ABTB2: variants seen among roughly 807,000 people sequenced by gnomAD.
ABTB2 encodes the protein ankyrin repeat and BTB domain containing 2.
Under a neutral mutation model 104.1 loss-of-function variants are expected in ABTB2, and 56 were observed. That is an observed-to-expected ratio of 0.54 (90% CI 0.43 to 0.67). The LOEUF is 0.67. Among genes scored for constraint, ABTB2 ranks in the 30% least tolerant of loss-of-function variants. ABTB2 has a pLI of 0.00. For synonymous variants in ABTB2, 606 were observed against 608.2 expected, an observed-to-expected ratio of 1.00 and a Z score of 0.05; for missense variants, 1,279 against 1,407.7, an observed-to-expected ratio of 0.91 and a Z score of 1.46.
intron 1 of ABTB2, among the ~76,000 whole-genome samples, chr11:34,307,325 A>C (rs1475958473): frequency 6.6e-6 from 1 of 152,240 alleles, no homozygotes; most frequent in African/African-American, 2.4e-5. Context: ...ATCAGAACTG[A>C]GAAGTGACCA....
intron 3 of ABTB2, among the ~76,000 whole-genome samples, chr11:34,178,014 C>T (rs541349059): frequency 1.5e-4 from 23 of 152,216 alleles, no homozygotes; most frequent in African/African-American, 3.1e-4. Context: ...CCCTGCTCCA[C>T]GAGCTCCTCC....
At chr11:34,216,013 A>G (rs1565143424) in intron 1 of ABTB2, among the ~76,000 whole-genome samples, 1 of 152,230 alleles carries the variant, frequency 6.6e-6, no homozygotes, top group Non-Finnish European at 1.5e-5. Context: ...TCACTCATTT[A>G]TTCAACAACT....
intron 1 of ABTB2, among the ~76,000 whole-genome samples, chr11:34,329,178 A>C (rs1262324991): frequency 6.6e-6 from 1 of 152,238 alleles, no homozygotes; most frequent in Non-Finnish European, 1.5e-5. Flanking sequence ...CATTAGAACA[A>C]ATAAACACTG....
chr11:34,289,363 C>T (rs759479620), intron 1 of ABTB2, among the ~76,000 whole-genome samples: 5 of 152,226 alleles, frequency 3.3e-5, no homozygotes, highest in Non-Finnish European at 7.3e-5. Flanking sequence ...TAAGTCCCAA[C>T]AGCCATGGTT....
chr11:34,325,923 C>G (rs1025529178), intron 1 of ABTB2, among the ~76,000 whole-genome samples: 6 of 141,260 alleles, frequency 4.2e-5, no homozygotes, highest in African/African-American at 1.6e-4. Context: ...TGCACTCCAG[C>G]CTGGGCGACA....
At chr11:34,335,819 C>T (rs1158945282) in intron 1 of ABTB2, 9 of 1,337,228 alleles carry the variant, frequency 6.7e-6, no homozygotes, top group South Asian at 1.2e-5. Flanking sequence ...CCAAACGGTC[C>T]CATAGTTTCA....
At chr11:34,334,868 G>T (rs1217907679) in intron 1 of ABTB2, among the ~76,000 whole-genome samples, 1 of 151,382 alleles carries the variant, frequency 6.6e-6, no homozygotes, top group African/African-American at 2.4e-5. Context: ...AACAATAACA[G>T]ATAATACCCT....
chr11:34,180,196 C>T (rs1220265256), intron 3 of ABTB2, among the ~76,000 whole-genome samples: 1 of 152,190 alleles, frequency 6.6e-6, no homozygotes, highest in Admixed American at 6.5e-5. Flanking sequence ...AGCAGGCTGC[C>T]CACCACCCAC....
At chr11:34,193,405 C>G (rs1853207468) in intron 3 of ABTB2, among the ~76,000 whole-genome samples, 1 of 152,202 alleles carries the variant, frequency 6.6e-6, no homozygotes, top group Non-Finnish European at 1.5e-5. Context: ...GAGAAGGTGG[C>G]CCCAAAGGCC....
intron 1 of ABTB2, among the ~76,000 whole-genome samples, chr11:34,265,386 C>T (rs1246112486): frequency 6.6e-6 from 1 of 152,170 alleles, no homozygotes; most frequent in Non-Finnish European, 1.5e-5. Context: ...ATTGGCTGGG[C>T]GTGGTGGCTC....
intron 1 of ABTB2, among the ~76,000 whole-genome samples, chr11:34,261,399 T>C (rs1264735387): frequency 6.6e-6 from 1 of 152,154 alleles, no homozygotes; most frequent in Non-Finnish European, 1.5e-5. Flanking sequence ...AGGTAGTCTG[T>C]TTTTTTCATA....
chr11:34,200,947 C>A (rs1422193623), intron 2 of ABTB2, among the ~76,000 whole-genome samples: 4 of 152,172 alleles, frequency 2.6e-5, no homozygotes, highest in African/African-American at 7.2e-5. Flanking sequence ...ACTTACATAG[C>A]AATTGACAGT....
At chr11:34,308,747 T>C (rs2133103549) in intron 1 of ABTB2, among the ~76,000 whole-genome samples, 1 of 151,724 alleles carries the variant, frequency 6.6e-6, no homozygotes, top group African/African-American at 2.4e-5. Context: ...GGCAGGCGCC[T>C]GTATTCCCAG....
chr11:34,300,042 T>G (rs780807192), intron 1 of ABTB2, among the ~76,000 whole-genome samples: 15 of 151,758 alleles, frequency 9.9e-5, no homozygotes, highest in Non-Finnish European at 1.6e-4. Flanking sequence ...CTACGCTTGG[T>G]GGGGGGAAGA....
intron 1 of ABTB2, among the ~76,000 whole-genome samples, chr11:34,355,778 G>C (rs1464551029): frequency 6.6e-6 from 1 of 152,136 alleles, no homozygotes; most frequent in African/African-American, 2.4e-5. Context: ...GTTTGCAGTT[G>C]AATGCAATGT....
intron 1 of ABTB2, among the ~76,000 whole-genome samples, chr11:34,256,846 A>C (rs1273842612): frequency 2.0e-5 from 3 of 152,160 alleles, no homozygotes; most frequent in African/African-American, 2.4e-5. Flanking sequence ...CAACCTAAAA[A>C]ATCTTGCTGG....
chr11:34,273,631 G>C (rs1854346530), intron 1 of ABTB2, among the ~76,000 whole-genome samples: 1 of 152,110 alleles, frequency 6.6e-6, no homozygotes, highest in African/African-American at 2.4e-5. Flanking sequence ...ATGGAACAGG[G>C]CCTGATCTGA....
rs551201121 is a variant in ABTB2 at position 34,154,375 on chromosome 11, G to T, written c.2770C>A (p.Leu924Met). The change falls in exon 16 of 17, where the codon CTG becomes ATG. Residue 924 changes from leucine (L) to methionine (M), a missense_variant. Transcript: ENST00000435224. The surrounding 1 kb of genome is among the most constrained non-coding windows in gnomAD (Gnocchi z 4.9). The part of the protein sequence containing the change: ...EIPTTDILEL[L>M]SAASLFQLDA... ...AGCTGGAACAGGCTGGCAGCTGACA[G>T]CAGCTGGTAGGGAGGCAGAGCAGGT... is the stretch of plus-strand genomic sequence containing the variant. The T allele has an allele frequency of 3.3e-5, 53 of 1,610,444 alleles. No individual in the cohort carries two copies. In the South Asian group the frequency reaches 5.5e-4, roughly 17 times the overall value.
chr11:34,317,148 G>A (rs780500477), intron 1 of ABTB2, among the ~76,000 whole-genome samples: 46 of 152,202 alleles, frequency 3.0e-4, no homozygotes, highest in Non-Finnish European at 6.3e-4. Flanking sequence ...GTTTTTGGAT[G>A]TTTAACAAAG....
Sources: allele counts gnomAD v4.1 joint callset (sites outside exome capture counted in the v4.1 genomes callset), GRCh38; gene constraint gnomAD v4.1.1; non-coding constraint Gnocchi (gnomAD v3.1); transcripts MANE v1.5; gene names NCBI Gene and HGNC (gene_info 2026-07-23, HGNC 2026-07-21).